BBOF1: variants seen among roughly 807,000 people sequenced by gnomAD.
BBOF1 encodes the protein basal body orientation factor 1.
In BBOF1, 62 loss-of-function variants were observed where a neutral mutation model predicts 68.0. The observed-to-expected ratio is 0.91, with a 90% CI of 0.74 to 1.13. BBOF1 has a LOEUF of 1.13. Ranked by LOEUF, BBOF1 falls within the 50% of genes most tolerant of loss-of-function variation. BBOF1 has a pLI of 0.00. For synonymous variants in BBOF1, 208 were observed against 198.8 expected (o/e 1.05, Z -0.39); for missense variants, 534 against 600.1 (o/e 0.89, Z 1.15).
Position 74,065,037 on chromosome 14 carries a change from T to C in BBOF1, c.*338T>C. On this transcript the variant is annotated 3_prime_UTR_variant, in exon 12 of 12. Coordinates refer to ENST00000394009, the MANE Select transcript of BBOF1 (RefSeq NM_025057.3). ...ACCTTCTACCCTATCCTCTACCCCA[T>C]GAACTTTCATTCCTGAGGAAGAAAT... 2 of 1,373,978 alleles carry C rather than the reference T, an allele frequency of 1.5e-6. No homozygotes were observed. The highest frequency in any genetic ancestry group is 1.2e-5 in the South Asian group (1 of 82,448). The allele number at this position is 1,373,978 out of a possible 1,614,324, so 85.1% of individuals were successfully genotyped here.
chr14:74,073,587 C>G (rs140423431), intron 9 of BBOF1, among the ~76,000 whole-genome samples: 1 of 152,242 alleles, frequency 6.6e-6, no homozygotes, highest in Non-Finnish European at 1.5e-5. Flanking sequence ...GCCCAGCTGA[C>G]TGTTACATTA....
rs1594995695 is a variant in BBOF1, at chr14:74,021,218, T to G, written c.56+1684T>G. 2.6e-5 allele frequency among the ~76,000 whole-genome samples: 4 copies of G among 152,310 alleles called. No individual in the cohort carries two copies. The South Asian group carries it at 8.3e-4, about 32-fold the overall frequency. On this transcript the variant is annotated intron_variant, in intron 1 of 11. Transcript: ENST00000394009. ...TACAATAAATATTTAGAAAAATCTC[T>G]TCCTTTACCACTTTAATCTTTGAAT...
At chr14:74,028,997 C>A (rs2059502880) in intron 2 of BBOF1, among the ~76,000 whole-genome samples, 187 bp from the exon 3 acceptor site, 1 of 152,018 alleles carries the variant, frequency 6.6e-6, no homozygotes, top group African/African-American at 2.4e-5. Context: ...CTGATGATAG[C>A]CAGGTTTTAG....
chr14:74,057,474 T>G (rs2060241196), intron 11 of BBOF1: 1 of 1,439,664 alleles, frequency 6.9e-7, no homozygotes, highest in East Asian at 2.7e-5. Context: ...TGCCTCTTTT[T>G]GTGTAGAAAC....
chr14:74,062,174 G>A (rs1279506192), intron 11 of BBOF1, among the ~76,000 whole-genome samples: 1 of 151,762 alleles, frequency 6.6e-6, no homozygotes, highest in Non-Finnish European at 1.5e-5. Flanking sequence ...TCCAGCCTGG[G>A]CAACAGAGCA....
intron 4 of BBOF1, 123 bp downstream of exon 4, chr14:74,034,294 A>G: frequency 1.6e-6 from 1 of 642,410 alleles, no homozygotes. Flanking sequence ...TTTAGAAATT[A>G]TTTGAGAGAA....
At chr14:74,056,751 T>C (rs2060218691) in intron 9 of BBOF1, 155 bp from the exon 10 acceptor site, 1 of 611,456 alleles carries the variant, frequency 1.6e-6, no homozygotes, top group Non-Finnish European at 2.9e-6. Context: ...ATTGCATGCC[T>C]GTATCAAAAC....
rs186681165 is a variant in BBOF1, at chr14:74,062,143, G to A, written c.1579-2545G>A. On this transcript the variant is annotated intron_variant, in intron 11 of 11. Coordinates refer to ENST00000394009, the MANE Select transcript of BBOF1 (RefSeq NM_025057.3). Reference sequence around the variant, plus strand: ...CCTGGGAGGTGGAGGTTGCAAGTGAGCCGAGAATGCACCATTGCACTCCAG... The same window carrying A: ...CCTGGGAGGTGGAGGTTGCAAGTGAACCGAGAATGCACCATTGCACTCCAG... 4.0e-5 allele frequency among the ~76,000 whole-genome samples: 6 copies of A among 150,672 alleles called. No homozygotes were observed. In the East Asian group the frequency reaches 1.2e-3, roughly 30 times the overall value.
chr14:74,062,063 A>G (rs1043479060), intron 11 of BBOF1, among the ~76,000 whole-genome samples: 10 of 137,170 alleles, frequency 7.3e-5, no homozygotes, highest in Admixed American at 1.4e-4. Context: ...AAAAAAAAAA[A>G]AAAAAAAAAA....
At chr14:74,035,840 G>C (rs2059686425) in intron 4 of BBOF1, among the ~76,000 whole-genome samples, 1 of 149,688 alleles carries the variant, frequency 6.7e-6, no homozygotes, top group African/African-American at 2.4e-5. Flanking sequence ...TCTTTTTCAT[G>C]ACCTAGCCTT....
At position 74,048,094 on chromosome 14, in the gene BBOF1, T is replaced by C; in HGVS notation, c.792+20T>C. The C allele has an allele frequency of 6.3e-7, 1 of 1,595,228 alleles. No individual in the cohort carries two copies. The highest frequency in any genetic ancestry group is 8.5e-7 in the Non-Finnish European group (1 of 1,174,002). ...CAAAAGGTTCCCTCTCATTTAGACT[T>C]GGTGTCCTTCTTTTCTTTATTTAAG... is the stretch of plus-strand genomic sequence containing the variant. On this transcript the variant is annotated intron_variant, in intron 7 of 11. Transcript: ENST00000394009.
downstream of BBOF1, chr14:74,067,375 A>G (rs765900659): frequency 9.3e-6 from 15 of 1,612,808 alleles, no homozygotes; most frequent in Non-Finnish European, 1.2e-5. Flanking sequence ...CAGGTGATTG[A>G]TTACCTGCAT....
chr14:74,057,500 T>C (rs1056736324), intron 11 of BBOF1: 15 of 1,394,056 alleles, frequency 1.1e-5, no homozygotes, highest in Non-Finnish European at 1.4e-5. Flanking sequence ...GGTTGCCTTT[T>C]GAAGTAAACA....
intron 11 of BBOF1, among the ~76,000 whole-genome samples, chr14:74,064,311 A>T (rs989326091): frequency 2.2e-5 from 3 of 139,398 alleles, no homozygotes; most frequent in South Asian, 2.3e-4. Context: ...AAAAAAAAAA[A>T]TAATAATAAT....
At chr14:74,081,740 T>C (rs2060669744) in intron 12 of BBOF1, among the ~76,000 whole-genome samples, 1 of 152,312 alleles carries the variant, frequency 6.6e-6, no homozygotes, top group Non-Finnish European at 1.5e-5. Context: ...TCCTATTGTT[T>C]ATCACTTATT....
chr14:74,044,475 CTTTTTT>C (rs35074690), intron 5 of BBOF1, among the ~76,000 whole-genome samples: 2 of 135,292 alleles, frequency 1.5e-5, no homozygotes, highest in East Asian at 4.4e-4. Context: ...AACCTCTTCT[CTTTTTT>C]TTTTTTTTTT....
chr14:74,073,205 G>A (rs2060573799), intron 9 of BBOF1, among the ~76,000 whole-genome samples: 1 of 152,070 alleles, frequency 6.6e-6, no homozygotes, highest in African/African-American at 2.4e-5. Flanking sequence ...CAGGGCTTAG[G>A]TGATTCTCCC....
intron 5 of BBOF1, among the ~76,000 whole-genome samples, chr14:74,042,509 A>G (rs2059844763): frequency 6.6e-6 from 1 of 152,226 alleles, no homozygotes; most frequent in Non-Finnish European, 1.5e-5. Context: ...CTTCATGGTT[A>G]CAAGGTAGTT....
Position 74,046,104 on chromosome 14 carries a change from A to G in BBOF1, c.621A>G (p.Ala207=), listed in dbSNP as rs1442952487. ...CTGAAAAGAAGATAATAATGCTAGC[A>G]GAGAGAGCCCACCATGAGGCTATTG... The part of the protein sequence containing the change: ...QEAEKKIIML[A]ERAHHEAIVQ... Residue 207 remains alanine, a synonymous_variant, in exon 6 of 12, where the codon GCA becomes GCG. Coordinates refer to ENST00000394009, the MANE Select transcript of BBOF1 (RefSeq NM_025057.3). 6.8e-5 allele frequency: 110 copies of G among 1,608,846 alleles called. No homozygotes were observed. The East Asian group carries it at 2.5e-3, about 36-fold the overall frequency.
Sources: gnomAD v4.1 joint callset for allele counts (sites outside exome capture counted in the v4.1 genomes callset) on GRCh38, gnomAD v4.1.1 for gene constraint, MANE v1.5 for transcripts, NCBI Gene and HGNC (gene_info 2026-07-23, HGNC 2026-07-21) for gene names.